The following KAZN variants were observed in gnomAD, a reference collection of about 807,000 sequenced individuals.
The protein encoded by KAZN is kazrin, periplakin interacting protein.
Under a neutral mutation model 87.4 loss-of-function variants are expected in KAZN, and 40 were observed. That is an observed-to-expected ratio of 0.46 (90% confidence interval 0.36 to 0.60). The LOEUF (loss-of-function observed/expected upper bound fraction) is 0.60, where lower values mean the gene tolerates loss of function less well. Ranked by LOEUF, KAZN falls within the 20% of genes least tolerant of loss-of-function variation. The probability of loss-of-function intolerance (pLI) is 0.00; values close to 1 mark genes in which losing one functional copy is unlikely to be tolerated. For missense variants in KAZN, 898 were observed against 1,073.9 expected (o/e 0.84, Z 2.29); for synonymous variants, 466 against 458.3 (o/e 1.02, Z -0.22).
At chr1:14,587,132 A>T (rs1216490769) in intron 2 of KAZN, among the ~76,000 whole-genome samples, 3 of 152,140 alleles carry the variant, frequency 2.0e-5, no homozygotes, top group African/African-American at 4.8e-5. Context: ...GAAATACCTG[A>T]GCCTGGGTAA....
intron 5 of KAZN, among the ~76,000 whole-genome samples, chr1:15,057,268 C>T (rs1259257870): frequency 6.6e-6 from 1 of 152,236 alleles, no homozygotes; most frequent in South Asian, 2.1e-4. Context: ...GGCCAGGGTC[C>T]TCAGTTTCCT....
At chr1:14,319,371 A>G (rs900002910) in intron 2 of KAZN, among the ~76,000 whole-genome samples, 1 of 152,068 alleles carries the variant, frequency 6.6e-6, no homozygotes, top group African/African-American at 2.4e-5. Context: ...TCCTGAGCCT[A>G]TGTGAGTTCT....
chr1:14,575,260 A>G lies in KAZN; in HGVS notation c.250-23723A>G, dbSNP rs556145769. 3.9e-5 allele frequency among the ~76,000 whole-genome samples: 6 copies of G among 152,188 alleles called. No homozygotes were observed. The East Asian group carries it at 1.2e-3, about 29-fold the overall frequency. On this transcript the variant is annotated intron_variant, in intron 2 of 16. Coordinates refer to the KAZN transcript ENST00000636203. ...GTTCTCATGCTGCTGAGAAAGACAT[A>G]CCTGAGACTGGGTAATTTATAAAGA...
At chr1:14,907,960 C>T (rs1302910043) in intron 1 of KAZN, among the ~76,000 whole-genome samples, 1 of 152,234 alleles carries the variant, frequency 6.6e-6, no homozygotes, top group East Asian at 1.9e-4. Context: ...CCAACCCAGA[C>T]TGGGGCTCCA....
At chr1:14,179,284 G>A (rs115314458) in intron 1 of KAZN, among the ~76,000 whole-genome samples, 4,036 of 152,184 alleles carry the variant, frequency 0.027, 183 homozygotes, top group African/African-American at 0.091. Context: ...GTGACATTGC[G>A]GGGCTCTCTC....
intron 1 of KAZN, among the ~76,000 whole-genome samples, chr1:14,791,713 C>T (rs1037924662): frequency 3.9e-5 from 6 of 152,224 alleles, no homozygotes; most frequent in African/African-American, 1.4e-4. Flanking sequence ...TGGAGCTGGG[C>T]GAGCTTCCGG....
chr1:14,391,596 A>G (rs1015801079), intron 2 of KAZN: 7 of 152,358 alleles, frequency 4.6e-5, no homozygotes, highest in Admixed American at 4.6e-4. Flanking sequence ...ATACAACCAG[A>G]AAATCCATTA....
At chr1:14,919,239 C>T (rs895154701) in intron 1 of KAZN, among the ~76,000 whole-genome samples, 6 of 152,124 alleles carry the variant, frequency 3.9e-5, no homozygotes, top group African/African-American at 9.7e-5. Context: ...TGCAGTGGCA[C>T]GATCTCGGCT....
chr1:15,015,132 T>TTTTA (rs149046122), intron 2 of KAZN, among the ~76,000 whole-genome samples: 5,592 of 149,392 alleles, frequency 0.037, 161 homozygotes, highest in African/African-American at 0.078. Context: ...AGTTTTTTCT[T>TTTTA]TTTATTTATT....
At chr1:13,915,660 C>T (rs1235476031) in intron 1 of KAZN, among the ~76,000 whole-genome samples, 2 of 152,226 alleles carry the variant, frequency 1.3e-5, no homozygotes, top group Non-Finnish European at 2.9e-5. Flanking sequence ...TATCTGGTGA[C>T]CATTCCAGAT....
chr1:14,434,618 C>T (rs1011328768), intron 2 of KAZN, among the ~76,000 whole-genome samples: 1 of 152,168 alleles, frequency 6.6e-6, no homozygotes, highest in South Asian at 2.1e-4. Flanking sequence ...CCCTGGGGAG[C>T]AGGAAGCAGG....
chr1:14,980,169 A>G (rs532418604), intron 2 of KAZN, among the ~76,000 whole-genome samples: 14 of 152,318 alleles, frequency 9.2e-5, no homozygotes, highest in Admixed American at 7.8e-4. Flanking sequence ...GATTACAGGC[A>G]TGAGCCACTG....
At chr1:14,728,910 A>C (rs1319593210) in intron 1 of KAZN, among the ~76,000 whole-genome samples, 1 of 152,046 alleles carries the variant, frequency 6.6e-6, no homozygotes, top group Non-Finnish European at 1.5e-5. Context: ...CCGTTTAAAC[A>C]CTCCATAAAG....
At position 14,009,873 on chromosome 1, in the gene KAZN, G is replaced by A. The variant is rs1047269146; in HGVS notation, c.91+116117G>A. ...AGGAGAACCCACTCTGTACACACAG[G>A]TGGGAGGGTGTGTACATATTCACAT... On this transcript the variant is annotated intron_variant, in intron 1 of 16. Coordinates refer to the KAZN transcript ENST00000636203. Among the ~76,000 whole-genome samples the A allele has an allele frequency of 5.3e-5, 8 of 152,296 alleles. No homozygotes were observed. The South Asian group carries it at 1.7e-3, about 32-fold the overall frequency.
intron 1 of KAZN, among the ~76,000 whole-genome samples, chr1:13,973,060 T>C (rs1642192125): frequency 6.6e-6 from 1 of 152,186 alleles, no homozygotes; most frequent in Admixed American, 6.5e-5. Context: ...TTTTCCTCCT[T>C]GTCTTCCTTC....
chr1:14,331,834 A>G (rs919133467), intron 2 of KAZN, among the ~76,000 whole-genome samples: 1 of 152,028 alleles, frequency 6.6e-6, no homozygotes, highest in Non-Finnish European at 1.5e-5. Context: ...TATATATTTT[A>G]TTGCATTTGT....
intron 2 of KAZN, among the ~76,000 whole-genome samples, chr1:14,321,225 T>G (rs1008159771): frequency 3.3e-5 from 5 of 152,182 alleles, no homozygotes; most frequent in African/African-American, 1.2e-4. Flanking sequence ...GATCGAGATG[T>G]GGGCAAACAG....
intron 1 of KAZN, among the ~76,000 whole-genome samples, chr1:14,153,922 TA>T (rs752605895): frequency 6.6e-6 from 1 of 152,182 alleles, no homozygotes; most frequent in Non-Finnish European, 1.5e-5. Context: ...TAGTATAATT[TA>T]AAGTCAGGTA....
chr1:13,893,691 A>G (rs1358577), exon 1 of KAZN: 547,873 of 1,549,912 alleles, frequency 0.35, 99,913 homozygotes, highest in Admixed American at 0.55. Flanking sequence ...GCGACATCCA[A>G]TTCTGCCACA....
Sources: gnomAD v4.1 joint callset for allele counts (sites outside exome capture counted in the v4.1 genomes callset) on GRCh38, gnomAD v4.1.1 for gene constraint, MANE v1.5 for transcripts, NCBI Gene and HGNC (gene_info 2026-07-23, HGNC 2026-07-21) for gene names.